The following SH3BP5 variants were observed in gnomAD, a reference collection of about 807,000 sequenced individuals.
SH3BP5 encodes the protein SH3 domain-binding protein 5.
SH3BP5 carries 22 observed loss-of-function variants against 43.3 expected under a neutral mutation model. That is an observed-to-expected ratio of 0.51 (90% CI 0.36 to 0.73). SH3BP5 has a LOEUF of 0.73. Ranked by LOEUF, SH3BP5 falls within the 30% of genes least tolerant of loss-of-function variation. The probability of loss-of-function intolerance (pLI) is 0.00; values close to 1 mark genes in which losing one functional copy is unlikely to be tolerated. For synonymous variants in SH3BP5, 255 were observed against 225.8 expected (o/e 1.13, Z -1.16); for missense variants, 529 against 586.9 (o/e 0.90, Z 1.02).
At chr3:15,296,565 AAAT>A (rs942227905) in intron 3 of SH3BP5, among the ~76,000 whole-genome samples, 1 of 152,176 alleles carries the variant, frequency 6.6e-6, no homozygotes, top group East Asian at 1.9e-4. Flanking sequence ...GAAGAAAAGA[AAAT>A]AATAAATTTT....
intron 3 of SH3BP5, among the ~76,000 whole-genome samples, chr3:15,280,996 A>G (rs1303573768): frequency 6.6e-6 from 1 of 152,234 alleles, no homozygotes; most frequent in Non-Finnish European, 1.5e-5. Flanking sequence ...ACGGTGGCAG[A>G]GAACTGGAAT....
At chr3:15,306,487 G>A (rs1353060427) in intron 2 of SH3BP5, among the ~76,000 whole-genome samples, 1 of 152,048 alleles carries the variant, frequency 6.6e-6, no homozygotes, top group Non-Finnish European at 1.5e-5. Context: ...CAGCCTGGAC[G>A]ACAGACCCTG....
chr3:15,333,469 AG>A (rs996425494), upstream of SH3BP5, among the ~76,000 whole-genome samples: 14 of 152,332 alleles, frequency 9.2e-5, no homozygotes, highest in African/African-American at 3.4e-4. Context: ...TGCTTGAGAA[AG>A]GAGCTTCTTT....
chr3:15,263,758 G>C (rs1392054980), intron 4 of SH3BP5, among the ~76,000 whole-genome samples: 1 of 152,232 alleles, frequency 6.6e-6, no homozygotes, highest in Non-Finnish European at 1.5e-5. Flanking sequence ...GGCCTGCCTT[G>C]AAGAAAGAGG....
intron 2 of SH3BP5, among the ~76,000 whole-genome samples, chr3:15,321,370 C>T (rs1698320745): frequency 1.3e-5 from 2 of 152,046 alleles, no homozygotes; most frequent in South Asian, 4.1e-4. Flanking sequence ...AGTAGCTTAA[C>T]AATACACTAA....
At chr3:15,337,129 AC>A (rs1454430979), upstream of SH3BP5, among the ~76,000 whole-genome samples, 4 of 126,712 alleles carry the variant, frequency 3.2e-5, no homozygotes, top group African/African-American at 1.3e-4. Flanking sequence ...GCGCTATGTC[AC>A]CCAGGCTGGA....
At chr3:15,318,656 A>G (rs1698244099) in intron 2 of SH3BP5, among the ~76,000 whole-genome samples, 1 of 151,884 alleles carries the variant, frequency 6.6e-6, no homozygotes, top group African/African-American at 2.4e-5. Flanking sequence ...TCCACCTCCC[A>G]GGTTCAAACG....
chr3:15,306,777 T>C (rs576023112), intron 2 of SH3BP5, among the ~76,000 whole-genome samples: 8 of 152,258 alleles, frequency 5.3e-5, no homozygotes, highest in African/African-American at 1.9e-4. Flanking sequence ...CAAGCAATTC[T>C]CGTCCCTCAG....
intron 3 of SH3BP5, among the ~76,000 whole-genome samples, chr3:15,293,278 G>T (rs1697464775): frequency 6.6e-6 from 1 of 152,258 alleles, no homozygotes; most frequent in African/African-American, 2.4e-5. Flanking sequence ...CACCCAGGGG[G>T]AATGTGACCA....
chr3:15,259,553 A>G, intron 6 of SH3BP5: 1 of 656,940 alleles, frequency 1.5e-6, no homozygotes, highest in Non-Finnish European at 2.8e-6. Context: ...CTAGTACAAC[A>G]GAGAAGGTGA....
In SH3BP5 at chr3:15,255,089, A is replaced by T. The variant is rs551713444; in HGVS notation, c.*997T>A. 3 of 152,768 alleles carry T rather than the reference A, an allele frequency of 2.0e-5. No individual in the cohort carries two copies. The East Asian group carries it at 5.8e-4, about 29-fold the overall frequency. The allele number at this position is 152,768 out of a possible 1,614,324, so 9.5% of individuals were successfully genotyped here. A position where few individuals can be genotyped will look rare whatever the true frequency, so the allele number is the denominator to read the frequency against. On this transcript the variant is annotated 3_prime_UTR_variant, in exon 9 of 9. Transcript: ENST00000383791. ...TACAGTGCTCTAAATATGCATTACC[A>T]TGAAAACGTTAAAGAAAAGCAGTCT...
intron 4 of SH3BP5, among the ~76,000 whole-genome samples, chr3:15,268,361 G>C (rs1264621239): frequency 6.6e-6 from 1 of 152,180 alleles, no homozygotes; most frequent in African/African-American, 2.4e-5. Flanking sequence ...TTCTAATCCA[G>C]TCCCCCAGAC....
At chr3:15,269,282 C>T (rs191307055) in intron 4 of SH3BP5, among the ~76,000 whole-genome samples, 10 of 152,258 alleles carry the variant, frequency 6.6e-5, no homozygotes, top group Admixed American at 5.2e-4. Flanking sequence ...CCGCCATGAC[C>T]CCTGCCTTCC....
chr3:15,266,152 A>G (rs1392295353), intron 4 of SH3BP5, among the ~76,000 whole-genome samples: 1 of 152,160 alleles, frequency 6.6e-6, no homozygotes, highest in Non-Finnish European at 1.5e-5. Flanking sequence ...AGGCAATCTC[A>G]CTGTCTGCTG....
At chr3:15,307,463 C>G (rs1697941453) in intron 2 of SH3BP5, among the ~76,000 whole-genome samples, 2 of 152,226 alleles carry the variant, frequency 1.3e-5, no homozygotes, top group African/African-American at 4.8e-5. Flanking sequence ...AGGCCCTAAT[C>G]AGGGCCGTCT....
rs528319410 is a variant in SH3BP5 at position 15,332,559 on chromosome 3, G to C, written c.-151C>G. Reference sequence around the variant, plus strand: ...CCCGGGAGACGCAGCTCGCCGATGCGGATACCTCCGGCCGCGGCGGAGCAG... The same window carrying C: ...CCCGGGAGACGCAGCTCGCCGATGCCGATACCTCCGGCCGCGGCGGAGCAG... On this transcript the variant is annotated 5_prime_UTR_variant, in exon 1 of 9. Coordinates refer to ENST00000383791, the MANE Select transcript of SH3BP5 (RefSeq NM_004844.5). The C allele has an allele frequency of 1.6e-6, 2 of 1,231,756 alleles. No homozygotes were observed. Among genetic ancestry groups the C allele is most frequent in the Non-Finnish European group, 2.0e-6 (2 of 989,214 alleles). 76.3% of individuals were successfully genotyped at this position (1,231,756 alleles called of 1,614,324 possible).
chr3:15,283,875 T>C (rs1697194824), intron 3 of SH3BP5, among the ~76,000 whole-genome samples: 1 of 152,138 alleles, frequency 6.6e-6, no homozygotes, highest in African/African-American at 2.4e-5. Flanking sequence ...AAACCTCTAC[T>C]ATATGCCAGG....
Position 15,255,886 on chromosome 3 carries a change from C to T in SH3BP5, c.*200G>A, listed in dbSNP as rs1696176258. The T allele has an allele frequency of 5.2e-6, 3 of 580,814 alleles. No homozygotes were observed. The highest frequency in any genetic ancestry group is 3.2e-5 in the Admixed American group (1 of 30,856). 36.0% of individuals were successfully genotyped at this position (580,814 alleles called of 1,614,324 possible). ...GAACCTAGTCACAGTCTACCCACAA[C>T]AAGAACTCTGCTCTGAAAAACCAGC... is the stretch of plus-strand genomic sequence containing the variant. On this transcript the variant is annotated 3_prime_UTR_variant, in exon 9 of 9. Coordinates refer to ENST00000383791, the MANE Select transcript of SH3BP5 (RefSeq NM_004844.5).
At chr3:15,296,339 TATACACAC>T (rs370875326) in intron 3 of SH3BP5, among the ~76,000 whole-genome samples, 50 of 126,562 alleles carry the variant, frequency 4.0e-4, no homozygotes, top group African/African-American at 1.9e-3. Context: ...GGGGAAATCA[TATACACAC>T]ACACACACAC....
Sources: gnomAD v4.1 joint callset for allele counts (sites outside exome capture counted in the v4.1 genomes callset) on GRCh38, gnomAD v4.1.1 for gene constraint, MANE v1.5 for transcripts, NCBI Gene and HGNC (gene_info 2026-07-23, HGNC 2026-07-21) for gene names.